Variants in DPP10 observed in about 807,000 individuals in gnomAD.
The protein encoded by DPP10 is dipeptidyl peptidase like 10.
A neutral mutation model predicts 120.9 loss-of-function variants in DPP10; 33 were observed. The observed-to-expected ratio is 0.27, with a 90% CI of 0.21 to 0.37. The LOEUF (loss-of-function observed/expected upper bound fraction) is 0.37, where lower values mean the gene tolerates loss of function less well. Ranked by LOEUF, DPP10 falls within the 10% of genes least tolerant of loss-of-function variation. The probability of loss-of-function intolerance (pLI) is 1.00; values close to 1 mark genes in which losing one functional copy is unlikely to be tolerated. For synonymous variants in DPP10, 337 were observed against 326.1 expected (o/e 1.03, Z -0.36); for missense variants, 816 against 942.8 (o/e 0.87, Z 1.76).
intron 1 of DPP10, among the ~76,000 whole-genome samples, chr2:115,140,053 G>A (rs1388436731): frequency 3.9e-5 from 6 of 152,108 alleles, no homozygotes; most frequent in African/African-American, 1.4e-4. Context: ...TTTGAGGTGT[G>A]GGGTATATAT....
At chr2:115,784,530 A>C (rs2149881763) in intron 17 of DPP10, among the ~76,000 whole-genome samples, 1 of 152,134 alleles carries the variant, frequency 6.6e-6, no homozygotes, top group South Asian at 2.1e-4. Context: ...AATAGTCAAA[A>C]CTTATTTCTT....
intron 5 of DPP10, among the ~76,000 whole-genome samples, chr2:115,662,886 G>A (rs930052990): frequency 2.6e-5 from 4 of 152,088 alleles, no homozygotes; most frequent in African/African-American, 9.7e-5. Context: ...TCTAGCTTAG[G>A]TCCTGGCTCC....
chr2:115,842,083 A>T (rs272010), intron 25 of DPP10, 128 bp from the exon 26 acceptor site: 746,678 of 845,204 alleles, frequency 0.88, 331,139 homozygotes, highest in Middle Eastern at 0.93. Context: ...AACTTAGAGT[A>T]GAATTAGGTT....
At chr2:115,185,396 A>G (rs966946325) in intron 1 of DPP10, among the ~76,000 whole-genome samples, 7 of 152,190 alleles carry the variant, frequency 4.6e-5, no homozygotes, top group Non-Finnish European at 7.4e-5. Flanking sequence ...ATTAATGTGT[A>G]TTTAGAGCAT....
chr2:114,493,171 G>A (rs1276426342), intron 1 of DPP10, among the ~76,000 whole-genome samples: 2 of 152,172 alleles, frequency 1.3e-5, no homozygotes, highest in African/African-American at 4.8e-5. Flanking sequence ...GCAGCAAAGT[G>A]TGGTGGTGAG....
At chr2:115,150,895 T>C (rs191021098) in intron 1 of DPP10, among the ~76,000 whole-genome samples, 82 of 152,336 alleles carry the variant, frequency 5.4e-4, no homozygotes, top group Non-Finnish European at 9.3e-4. Flanking sequence ...AAATAAAATA[T>C]ACCATTGATT....
chr2:114,574,064 CAG>C (rs1436253823), intron 1 of DPP10, among the ~76,000 whole-genome samples: 1 of 152,040 alleles, frequency 6.6e-6, no homozygotes, highest in Non-Finnish European at 1.5e-5. Context: ...CCAAGTGGAT[CAG>C]AAATATCCTG....
intron 5 of DPP10, among the ~76,000 whole-genome samples, chr2:115,552,602 G>A (rs2079942745): frequency 2.0e-5 from 3 of 151,956 alleles, no homozygotes; most frequent in Admixed American, 1.3e-4. Context: ...TTTCTCAGAC[G>A]AAATTATTTT....
chr2:114,992,415 C>T (rs888242614), intron 1 of DPP10, among the ~76,000 whole-genome samples: 2 of 152,174 alleles, frequency 1.3e-5, no homozygotes, highest in Non-Finnish European at 2.9e-5. Flanking sequence ...CAACAGAGAA[C>T]TTCCACAGAT....
intron 7 of DPP10, among the ~76,000 whole-genome samples, chr2:115,692,659 G>A (rs1405967099): frequency 6.6e-6 from 1 of 151,896 alleles, no homozygotes. Context: ...TTGAATTGCT[G>A]TTTTAACAAC....
At chr2:114,971,675 C>T (rs528351363) in intron 1 of DPP10, among the ~76,000 whole-genome samples, 14 of 152,134 alleles carry the variant, frequency 9.2e-5, no homozygotes, top group East Asian at 3.9e-4. Context: ...CATAAGATTT[C>T]GCAAGAAACA....
At chr2:114,552,761 G>A (rs1310298375) in intron 1 of DPP10, among the ~76,000 whole-genome samples, 1 of 152,028 alleles carries the variant, frequency 6.6e-6, no homozygotes, top group Non-Finnish European at 1.5e-5. Flanking sequence ...GGCCAGGATG[G>A]TCTCGAACTC....
chr2:114,661,326 G>C (rs1288406199), intron 1 of DPP10, among the ~76,000 whole-genome samples: 2 of 152,154 alleles, frequency 1.3e-5, no homozygotes, highest in East Asian at 3.9e-4. Flanking sequence ...TGGAGCATAA[G>C]TTTCTCTTAG....
chr2:115,643,894 T>A (rs2086996666), intron 5 of DPP10, among the ~76,000 whole-genome samples: 1 of 152,182 alleles, frequency 6.6e-6, no homozygotes. Context: ...TTTGGAATAT[T>A]GTGAAAAAAA....
intron 3 of DPP10, among the ~76,000 whole-genome samples, chr2:115,390,999 G>A (rs1262775203): frequency 6.6e-6 from 1 of 152,082 alleles, no homozygotes; most frequent in Non-Finnish European, 1.5e-5. Context: ...TAGTATTGGT[G>A]TATGGAGACT....
chr2:115,162,186 C>T, intron 1 of DPP10: 1 of 1,549,988 alleles, frequency 6.5e-7, no homozygotes, highest in Non-Finnish European at 8.7e-7. Context: ...TCCACGGACT[C>T]TGCGGGAAGT....
At chr2:115,197,708 C>A (rs1336862862) in intron 1 of DPP10, among the ~76,000 whole-genome samples, 1 of 152,122 alleles carries the variant, frequency 6.6e-6, no homozygotes, top group Non-Finnish European at 1.5e-5. Context: ...ATTTGAGATA[C>A]CTGTGAATCT....
chr2:114,942,638 T>C (rs1220262047), intron 1 of DPP10, among the ~76,000 whole-genome samples: 2 of 151,836 alleles, frequency 1.3e-5, no homozygotes, highest in African/African-American at 2.4e-5. Flanking sequence ...TGCATTATTA[T>C]CTGCAAACAT....
At chr2:115,218,716 A>G (rs2056970383) in intron 1 of DPP10, among the ~76,000 whole-genome samples, 1 of 152,100 alleles carries the variant, frequency 6.6e-6, no homozygotes, top group Non-Finnish European at 1.5e-5. Context: ...AAAGACTTAT[A>G]ATAAGATATA....
Sources: allele counts gnomAD v4.1 joint callset (sites outside exome capture counted in the v4.1 genomes callset), GRCh38; gene constraint gnomAD v4.1.1; transcripts MANE v1.5; gene names NCBI Gene and HGNC (gene_info 2026-07-23, HGNC 2026-07-21).